ZDHHC5: variants seen among roughly 807,000 people sequenced by gnomAD.
ZDHHC5 encodes palmitoyltransferase ZDHHC5.
Under a neutral mutation model 70.0 loss-of-function variants are expected in ZDHHC5, and 22 were observed. The ratio of observed to expected loss-of-function variants is 0.31; its 90% CI spans 0.22 to 0.45. The LOEUF (loss-of-function observed/expected upper bound fraction) is 0.45, where lower values mean the gene tolerates loss of function less well. Ranked by LOEUF, ZDHHC5 falls within the 20% of genes least tolerant of loss-of-function variation. The probability of loss-of-function intolerance (pLI) is 1.00; values close to 1 mark genes in which losing one functional copy is unlikely to be tolerated. For synonymous variants in ZDHHC5, 313 were observed against 347.8 expected, an observed-to-expected ratio of 0.90 and a Z score of 1.11; for missense variants, 746 against 926.9, an observed-to-expected ratio of 0.80 and a Z score of 2.53.
rs148944485 is a variant in ZDHHC5 at position 57,699,019 on chromosome 11, C to T, written c.1583C>T (p.Pro528Leu). The T allele has an allele frequency of 2.5e-3, 4,029 of 1,609,950 alleles. 10 individuals are homozygous for T. Among genetic ancestry groups the T allele is most frequent in the Non-Finnish European group, 3.1e-3 (3,700 of 1,179,998 alleles). ...CCAACTGGCCCAACACACCGAGAGCCCTCACCAGTCCGTTACGACAATCTG... is the reference window on the plus strand; with the variant it reads ...CCAACTGGCCCAACACACCGAGAGCTCTCACCAGTCCGTTACGACAATCTG... ...LVPTGPTHRE[P>L]SPVRYDNLSR... The change falls in exon 11 of 12, where the codon CCC (proline) becomes CTC (leucine). Residue 528 changes from proline to leucine, a missense_variant. Around this residue, in one of 6 missense-constraint regions of ZDHHC5, gnomAD observed 340 missense variants for 350.1 expected, o/e 0.97. Transcript: ENST00000287169.
intron 2 of ZDHHC5, 112 bp downstream of exon 2, chr11:57,673,306 T>C: frequency 2.1e-6 from 2 of 968,396 alleles, no homozygotes; most frequent in South Asian, 1.4e-5. Context: ...GGGCTCAGCG[T>C]CTGGTACAGG....
chr11:57,675,836 C>T (rs1303318389), intron 2 of ZDHHC5, among the ~76,000 whole-genome samples: 3 of 152,210 alleles, frequency 2.0e-5, no homozygotes, highest in Non-Finnish European at 2.9e-5. Context: ...TTACCTCTTT[C>T]GAGGTTCAGT....
Position 57,672,646 on chromosome 11 carries a change from A to G in ZDHHC5, c.-445A>G, listed in dbSNP as rs3741076. The G allele has an allele frequency of 9.8e-4, 187 of 191,046 alleles. 3 individuals are homozygous for G. In the East Asian group the frequency reaches 0.024, roughly 24 times the overall value. 11.8% of individuals were successfully genotyped at this position (191,046 alleles called of 1,614,324 possible). On this transcript the variant is annotated 5_prime_UTR_variant, in exon 2 of 12. Transcript: ENST00000287169. ...GGAGGTACTATAGTATCTCAGAAGA[A>G]TTTTTCTTTGCCCAAAGTTTTTTTG...
At chr11:57,673,937 T>C (rs771875482) in intron 2 of ZDHHC5, among the ~76,000 whole-genome samples, 3 of 152,194 alleles carry the variant, frequency 2.0e-5, no homozygotes, top group Non-Finnish European at 4.4e-5. Context: ...TTTGAGATTG[T>C]GGAAACTGAG....
intron 2 of ZDHHC5, among the ~76,000 whole-genome samples, chr11:57,676,512 G>C (rs183297003): frequency 2.0e-5 from 3 of 152,238 alleles, no homozygotes; most frequent in East Asian, 1.9e-4. Flanking sequence ...AGCCCTCTTT[G>C]GGGGAGGTCA....
At chr11:57,693,610 G>A (rs2135400177) in intron 7 of ZDHHC5, among the ~76,000 whole-genome samples, 173 bp from the exon 8 acceptor site, 1 of 152,342 alleles carries the variant, frequency 6.6e-6, no homozygotes, top group East Asian at 1.9e-4. Flanking sequence ...TAGTCCTGCT[G>A]CAGTCCTTCA....
chr11:57,685,666 A>G (rs1198028163), intron 3 of ZDHHC5, among the ~76,000 whole-genome samples: 1 of 152,030 alleles, frequency 6.6e-6, no homozygotes, highest in East Asian at 1.9e-4. Flanking sequence ...AGTAAATAAA[A>G]AATAAAAAGG....
At chr11:57,691,194 C>T (rs547217001) in intron 6 of ZDHHC5, among the ~76,000 whole-genome samples, 2 of 152,168 alleles carry the variant, frequency 1.3e-5, no homozygotes, top group East Asian at 1.9e-4. Flanking sequence ...GCCTCAGGCT[C>T]CCAAGTAGCT....
chr11:57,674,126 A>G (rs1946041327), intron 2 of ZDHHC5, among the ~76,000 whole-genome samples: 1 of 152,166 alleles, frequency 6.6e-6, no homozygotes, highest in Non-Finnish European at 1.5e-5. Flanking sequence ...GAGTCCCTTT[A>G]TGTTAGTTTC....
chr11:57,679,239 G>A (rs2135384117), intron 2 of ZDHHC5, among the ~76,000 whole-genome samples: 1 of 152,230 alleles, frequency 6.6e-6, no homozygotes, highest in Admixed American at 6.5e-5. Context: ...TTGGCTCACT[G>A]CAACCTCTGC....
rs190493410 is a variant in ZDHHC5, at chr11:57,698,253, T to C, written c.1123-306T>C. 4.6e-5 allele frequency among the ~76,000 whole-genome samples: 7 copies of C among 152,278 alleles called. 1 individual carries two copies. Among genetic ancestry groups the C allele is most frequent in the Admixed American group, 2.0e-4 (3 of 15,288 alleles). On this transcript the variant is annotated intron_variant, in intron 10 of 11. Coordinates refer to ENST00000287169, the MANE Select transcript of ZDHHC5 (RefSeq NM_015457.3). ...TGGCATTCGTGGAACTCAATCTCCT[T>C]GATACTGTGTCCTTCATCAGACTGG...
At chr11:57,687,088 C>T (rs973405329) in intron 3 of ZDHHC5, among the ~76,000 whole-genome samples, 2 of 152,126 alleles carry the variant, frequency 1.3e-5, no homozygotes, top group Non-Finnish European at 2.9e-5. Context: ...TCCTTGGCCT[C>T]CCAAAGTGCT....
intron 11 of ZDHHC5, 121 bp from the exon 12 acceptor site, chr11:57,699,745 G>C: frequency 7.6e-7 from 1 of 1,313,188 alleles, no homozygotes; most frequent in Non-Finnish European, 1.1e-6. Flanking sequence ...GGAATGTTTG[G>C]GTAAGAAAGT....
chr11:57,697,022 C>T (rs1273242272), intron 10 of ZDHHC5, 149 bp downstream of exon 10: 1 of 768,838 alleles, frequency 1.3e-6, no homozygotes, highest in South Asian at 1.7e-5. Flanking sequence ...TGGTGAAACC[C>T]CGTCTCTACT....
intron 10 of ZDHHC5, 117 bp from the exon 11 acceptor site, chr11:57,698,442 A>G: frequency 7.3e-7 from 1 of 1,360,712 alleles, no homozygotes; most frequent in South Asian, 1.4e-5. Context: ...TAATGCATGT[A>G]AGAGTTCTAA....
chr11:57,673,307 C>T, intron 2 of ZDHHC5, 113 bp downstream of exon 2: 2 of 946,286 alleles, frequency 2.1e-6, no homozygotes, highest in Non-Finnish European at 3.3e-6. Context: ...GGCTCAGCGT[C>T]TGGTACAGGT....
chr11:57,673,040 T>A lies in ZDHHC5; in HGVS notation c.-51T>A. 1 of 1,563,384 alleles carries A rather than the reference T, an allele frequency of 6.4e-7. No homozygotes were observed. Among genetic ancestry groups the A allele is most frequent in the Non-Finnish European group, 8.8e-7 (1 of 1,134,520 alleles). On this transcript the variant is annotated 5_prime_UTR_variant, in exon 2 of 12. Transcript: ENST00000287169. The stretch of plus-strand genomic sequence containing the variant: ...CCCATTTTCTTGTCTGTTCTGCCGC[T>A]GTGTGGGCCTGGGCTATGCGGCAGG...
chr11:57,688,964 A>G (rs1388569613), intron 4 of ZDHHC5, among the ~76,000 whole-genome samples: 1 of 152,202 alleles, frequency 6.6e-6, no homozygotes, highest in Non-Finnish European at 1.5e-5. Context: ...CCTGGCTTCA[A>G]GTGATCCTCA....
At position 57,688,544 on chromosome 11, in the gene ZDHHC5, C is replaced by T; in HGVS notation, c.263C>T (p.Ala88Val). ...GAGGACAAGGAAGATGATTTCCGAG[C>T]TCCCCTTTACAAAACAGTGGAGATA... ...EDEDKEDDFR[A>V]PLYKTVEIKG... Residue 88 changes from alanine to valine, a missense_variant, in exon 4 of 12, where the codon GCT becomes GTT. Around this residue, in one of 6 missense-constraint regions of ZDHHC5, gnomAD observed 89 missense variants for 130.7 expected, o/e 0.68. Transcript: ENST00000287169. 1 of 1,601,884 alleles carries T rather than the reference C, an allele frequency of 6.2e-7. No homozygotes were observed. The highest frequency in any genetic ancestry group is 8.5e-7 in the Non-Finnish European group (1 of 1,173,910).
Sources: gnomAD v4.1 joint callset for allele counts (sites outside exome capture counted in the v4.1 genomes callset) on GRCh38, gnomAD v4.1.1 for gene constraint, gnomAD v4.1.1 regional missense constraint, MANE v1.5 for transcripts, NCBI Gene and HGNC (gene_info 2026-07-23, HGNC 2026-07-21) for gene names.